ABCA6: variants seen among roughly 807,000 people sequenced by gnomAD.
ABCA6 encodes the protein ATP-binding cassette sub-family A member 6.
ABCA6 carries 164 observed loss-of-function variants against 191.2 expected under a neutral mutation model. The observed-to-expected ratio is 0.86, with a 90% CI of 0.76 to 0.98. The LOEUF is 0.98. Ranked by LOEUF, ABCA6 falls within the 50% of genes least tolerant of loss-of-function variation. The probability of loss-of-function intolerance (pLI) is 0.00; values close to 1 mark genes in which losing one functional copy is unlikely to be tolerated. For missense variants in ABCA6, 1,958 were observed against 1,894.1 expected, an observed-to-expected ratio of 1.03 and a Z score of -0.63; for synonymous variants, 636 against 647.7, an observed-to-expected ratio of 0.98 and a Z score of 0.27.
intron 24 of ABCA6, 52 bp downstream of exon 24, chr17:69,096,576 A>C: frequency 7.9e-7 from 1 of 1,265,170 alleles, no homozygotes; most frequent in Non-Finnish European, 1.0e-6. Flanking sequence ...ACAATGTTAA[A>C]ATTTATTATT....
In ABCA6 at chr17:69,124,980, T is replaced by C. The variant is rs1266750577; in HGVS notation, c.1175A>G (p.Asp392Gly). 29 of 1,543,180 alleles carry C rather than the reference T, an allele frequency of 1.9e-5. No individual in the cohort carries two copies. The highest frequency in any genetic ancestry group is 2.4e-5 in the Non-Finnish European group (27 of 1,139,736). ...AAAAGTTGCTATCATTGTATATGAG[T>C]CTCCTGAAGGGTCAGGAAAAATTAC... ...NGVIFPDPSGDSYTMIATFSM... is the reference protein window; with the variant it reads ...NGVIFPDPSGGSYTMIATFSM... Residue 392 changes from aspartate (D) to glycine (G), a missense_variant, in exon 9 of 39, where the codon GAC becomes GGC. Physicochemically the swap from Asp to Gly is moderately conservative, Grantham distance 94. Transcript: ENST00000284425.
intron 10 of ABCA6, among the ~76,000 whole-genome samples, chr17:69,122,925 T>C (rs2073676291): frequency 6.7e-6 from 1 of 150,072 alleles, no homozygotes. Flanking sequence ...AATAATTCTT[T>C]AGCCTTATGT....
intron 17 of ABCA6, chr17:69,108,102 C>T (rs951206886): frequency 9.1e-6 from 3 of 331,408 alleles, no homozygotes; most frequent in Non-Finnish European, 1.7e-5. Flanking sequence ...AGACCATTAT[C>T]TTCTCACCTC....
At chr17:69,099,043 C>T (rs1329103209) in intron 22 of ABCA6, among the ~76,000 whole-genome samples, 1 of 151,804 alleles carries the variant, frequency 6.6e-6, no homozygotes, top group African/African-American at 2.4e-5. Context: ...CTGAGCAAAC[C>T]CAGAGATGGA....
Position 69,113,678 on chromosome 17 carries a change from A to G in ABCA6, c.1842T>C (p.His614=). The G allele has an allele frequency of 1.9e-6, 3 of 1,612,938 alleles. No individual in the cohort carries two copies. The highest frequency in any genetic ancestry group is 2.5e-6 in the Non-Finnish European group (3 of 1,179,286). ...MQNIQDNLAK[H]LSEGQKRKLT... is the part of the protein sequence containing the mutation. Reference sequence around the variant, plus strand: ...GCTTTCTTTTCTGTCCTTCACTTAAATGTTTAGCAAGGTTATCTTGAATGT... The same window carrying G: ...GCTTTCTTTTCTGTCCTTCACTTAAGTGTTTAGCAAGGTTATCTTGAATGT... The change falls in exon 14 of 39, where the codon CAT becomes CAC. Residue 614 remains histidine, a synonymous_variant. Coordinates refer to ENST00000284425, the MANE Select transcript of ABCA6 (RefSeq NM_080284.3).
intron 37 of ABCA6, among the ~76,000 whole-genome samples, chr17:69,079,940 C>T (rs1743813939): frequency 2.6e-5 from 4 of 152,130 alleles, no homozygotes; most frequent in Admixed American, 2.6e-4. Context: ...ATAGGGAGCG[C>T]TAGGCACTCT....
At chr17:69,124,615 C>A (rs1037387614) in intron 9 of ABCA6, among the ~76,000 whole-genome samples, 20 of 151,636 alleles carry the variant, frequency 1.3e-4, no homozygotes, top group African/African-American at 4.8e-4. Flanking sequence ...TCCATGAAAA[C>A]CTAACATTAT....
chr17:69,140,844 T>A (rs1000199865), intron 1 of ABCA6, 96 bp from the exon 2 acceptor site: 4 of 437,762 alleles, frequency 9.1e-6, no homozygotes, highest in African/African-American at 8.2e-5. Flanking sequence ...TTTAAAATAT[T>A]ATTTCAATAA....
intron 2 of ABCA6, among the ~76,000 whole-genome samples, chr17:69,138,262 C>A (rs1234690222): frequency 6.6e-6 from 1 of 152,108 alleles, no homozygotes; most frequent in East Asian, 1.9e-4. Flanking sequence ...ACCCACCCAA[C>A]CTACTTTACT....
intron 6 of ABCA6, among the ~76,000 whole-genome samples, chr17:69,133,034 T>G (rs1023549738): frequency 6.6e-6 from 1 of 152,206 alleles, no homozygotes; most frequent in Non-Finnish European, 1.5e-5. Flanking sequence ...GGGCAAGATA[T>G]AAATATCAAT....
chr17:69,128,258 T>A (rs764526681), intron 8 of ABCA6, among the ~76,000 whole-genome samples: 2 of 152,102 alleles, frequency 1.3e-5, no homozygotes, highest in Non-Finnish European at 2.9e-5. Context: ...TTTTTCATAT[T>A]CATAGTTTAT....
chr17:69,123,311 A>T lies in ABCA6; in HGVS notation c.1364T>A (p.Ile455Asn), dbSNP rs762160436. The T allele has an allele frequency of 1.3e-6, 2 of 1,576,580 alleles. No homozygotes were observed. The highest frequency in any genetic ancestry group is 1.7e-6 in the Non-Finnish European group (2 of 1,156,728). The change falls in exon 10 of 39, where the codon ATC (isoleucine) becomes AAC (asparagine). Residue 455 changes from isoleucine (I) to asparagine (N), a missense_variant. Coordinates refer to ENST00000284425, the MANE Select transcript of ABCA6 (RefSeq NM_080284.3). Reference protein sequence around the residue: ...RTNAKVIEKEIDAEHPSDDYF... With the variant: ...RTNAKVIEKENDAEHPSDDYF... Reference sequence around the variant, plus strand: ...ATCATCAGAGGGATGCTCAGCATCGATTTCTTTCTCAATAACCTTAGCATT... The same window carrying T: ...ATCATCAGAGGGATGCTCAGCATCGTTTTCTTTCTCAATAACCTTAGCATT...
chr17:69,096,650 G>C lies in ABCA6; in HGVS notation c.3272C>G (p.Thr1091Arg), dbSNP rs1350235514. 4 of 1,543,212 alleles carry C rather than the reference G, an allele frequency of 2.6e-6. No individual in the cohort carries two copies. Among genetic ancestry groups the C allele is most frequent in the African/African-American group, 2.8e-5 (2 of 71,224 alleles). The change falls in exon 24 of 39, where the codon ACA becomes AGA. Residue 1091 changes from threonine (T) to arginine (R), a missense_variant. Coordinates refer to ENST00000284425, the MANE Select transcript of ABCA6 (RefSeq NM_080284.3). ...TACCAAAGCAAACACAATTTGGCTT[G>C]TAATAAGAAGGTACTGCATGTTTTC... ...YIENMQYLLI[T>R]SQIVFALVIV... is the part of the protein sequence containing the mutation.
rs756052727 is a variant in ABCA6, at chr17:69,123,356, C to A, written c.1319G>T (p.Cys440Phe). The A allele has an allele frequency of 6.4e-7, 1 of 1,555,096 alleles. No homozygotes were observed. The highest frequency in any genetic ancestry group is 2.3e-5 in the East Asian group (1 of 43,406). ...AGCATTAGTCCTTTGGTGTTGGAAA[C>A]AAGATGATGAATTCAAGAAAAATAA... is the stretch of plus-strand genomic sequence containing the variant. ...SPLFFLNSSS[C>F]FQHQRTNAKV... Residue 440 changes from cysteine to phenylalanine, a missense_variant, in exon 10 of 39, where the codon TGT (cysteine) becomes TTT (phenylalanine). By Grantham distance (205) the Cys-to-Phe change is radical (BLOSUM62 -2). Coordinates refer to ENST00000284425, the MANE Select transcript of ABCA6 (RefSeq NM_080284.3).
At chr17:69,119,640 A>T (rs1004184369) in intron 10 of ABCA6, among the ~76,000 whole-genome samples, 5 of 152,064 alleles carry the variant, frequency 3.3e-5, no homozygotes, top group Non-Finnish European at 5.9e-5. Flanking sequence ...CCTCGGCCTC[A>T]TGTTTTATGT....
intron 23 of ABCA6, among the ~76,000 whole-genome samples, chr17:69,097,135 G>A (rs2073066569): frequency 6.6e-6 from 1 of 152,210 alleles, no homozygotes; most frequent in South Asian, 2.1e-4. Context: ...GCTCACGCCT[G>A]TAATCCCAGC....
intron 9 of ABCA6, among the ~76,000 whole-genome samples, chr17:69,124,680 A>C (rs1394222635): frequency 6.6e-6 from 1 of 151,996 alleles, no homozygotes; most frequent in Non-Finnish European, 1.5e-5. Context: ...ATATAATTAT[A>C]ATATATTGCT....
intron 37 of ABCA6, 143 bp from the exon 38 acceptor site, chr17:69,079,408 A>T (rs1263009144): frequency 5.7e-6 from 3 of 529,666 alleles, no homozygotes; most frequent in Non-Finnish European, 9.9e-6. Context: ...AGGATGAAAT[A>T]ATGAAAGCCA....
At position 69,097,913 on chromosome 17, in the gene ABCA6, T is replaced by G; in HGVS notation, c.3120+7A>C. ...TGAAATTTCTTCTTTTCCCTGCTTTTTCTTACCTTGTAATCACTGATGCTG... is the reference window on the plus strand; with the variant it reads ...TGAAATTTCTTCTTTTCCCTGCTTTGTCTTACCTTGTAATCACTGATGCTG... On this transcript the variant is annotated splice_region_variant and intron_variant, in intron 23 of 38. Transcript: ENST00000284425. 1 of 1,567,184 alleles carries G rather than the reference T, an allele frequency of 6.4e-7. No individual in the cohort carries two copies. Among genetic ancestry groups the G allele is most frequent in the Non-Finnish European group, 8.6e-7 (1 of 1,161,144 alleles).
Sources: allele counts gnomAD v4.1 joint callset (sites outside exome capture counted in the v4.1 genomes callset), GRCh38; gene constraint gnomAD v4.1.1; transcripts MANE v1.5; gene names NCBI Gene and HGNC (gene_info 2026-07-23, HGNC 2026-07-21).